PRMT8: variants seen among roughly 807,000 people sequenced by gnomAD.
PRMT8 encodes the protein protein arginine N-methyltransferase 8.
A neutral mutation model predicts 47.1 loss-of-function variants in PRMT8; 7 were observed. The ratio of observed to expected loss-of-function variants is 0.15; its 90% CI spans 0.08 to 0.28. The LOEUF (loss-of-function observed/expected upper bound fraction) is 0.28, where lower values mean the gene tolerates loss of function less well. Among genes scored for constraint, PRMT8 ranks in the 10% least tolerant of loss-of-function variants. The pLI is 1.00. For missense variants in PRMT8, 237 were observed against 505.4 expected (o/e 0.47, Z 5.09); for synonymous variants, 188 against 186.5 (o/e 1.01, Z -0.07).
At chr12:3,386,689 AT>A (rs1274136600) in intron 1 of PRMT8, among the ~76,000 whole-genome samples, 1 of 151,772 alleles carries the variant, frequency 6.6e-6, no homozygotes, top group African/African-American at 2.4e-5. Context: ...AGGTGTTCAT[AT>A]GCTTGTCTAC....
chr12:3,567,717 C>T (rs1866747335), intron 4 of PRMT8, among the ~76,000 whole-genome samples: 2 of 152,204 alleles, frequency 1.3e-5, no homozygotes, highest in African/African-American at 4.8e-5. Flanking sequence ...ATTTTTGACT[C>T]CCACAAAAGT....
intron 1 of PRMT8, among the ~76,000 whole-genome samples, chr12:3,510,310 T>A (rs1345523039): frequency 2.6e-5 from 4 of 152,134 alleles, no homozygotes; most frequent in Non-Finnish European, 5.9e-5. Flanking sequence ...CATGAACTTT[T>A]CTCTTTATAA....
chr12:3,575,888 G>A (rs552481891), intron 6 of PRMT8, among the ~76,000 whole-genome samples: 16 of 152,102 alleles, frequency 1.1e-4, no homozygotes, highest in Non-Finnish European at 1.8e-4. Flanking sequence ...GCATGGTGGC[G>A]GGTGCCTGTA....
In PRMT8 at chr12:3,425,719, C is replaced by T. The variant is rs56016518; in HGVS notation, c.48+44277C>T. On this transcript the variant is annotated intron_variant, in intron 1 of 9. Coordinates refer to the PRMT8 transcript ENST00000452611. ...GCTGCATCTAAATAGATGTGAGTGT[C>T]GAAAGGCGAGCTTCTCTCGCTTTAC... is the stretch of plus-strand genomic sequence containing the variant. Among the ~76,000 whole-genome samples the T allele has an allele frequency of 4.2e-3, 642 of 152,332 alleles. 2 individuals are homozygous for T. The highest frequency in any genetic ancestry group is 0.015 in the African/African-American group (607 of 41,574).
intron 1 of PRMT8, among the ~76,000 whole-genome samples, chr12:3,479,312 C>G (rs1865249721): frequency 6.6e-6 from 1 of 152,224 alleles, no homozygotes; most frequent in South Asian, 2.1e-4. Flanking sequence ...TCTTCCTTCA[C>G]CTGGGTGGGC....
At chr12:3,381,423 A>C in exon 1 of PRMT8, 1 of 1,536,122 alleles carries the variant, frequency 6.5e-7, no homozygotes, top group Non-Finnish European at 8.7e-7. Context: ...GATGGATTCA[A>C]GCTGAAAGAG....
At chr12:3,519,842 T>G (rs1865854592) in intron 1 of PRMT8, among the ~76,000 whole-genome samples, 1 of 152,172 alleles carries the variant, frequency 6.6e-6, no homozygotes, top group Admixed American at 6.5e-5. Flanking sequence ...GGGGCCATGG[T>G]TGCTCGGCTG....
At chr12:3,463,559 G>A (rs1865060710) in intron 1 of PRMT8, 1 of 152,154 alleles carries the variant, frequency 6.6e-6, no homozygotes, top group African/African-American at 2.4e-5. Context: ...TTTCAGCTGT[G>A]CTCTAGAAAG....
At position 3,541,786 on chromosome 12, in the gene PRMT8, C is replaced by G. The variant is rs530977090; in HGVS notation, c.261+995C>G. Reference sequence around the variant, plus strand: ...GTTTCGTTTTAGTGCTTACTACGTGCTGGTGTTGTTCCAAGCATTTTATAT... The same window carrying G: ...GTTTCGTTTTAGTGCTTACTACGTGGTGGTGTTGTTCCAAGCATTTTATAT... On this transcript the variant is annotated intron_variant, in intron 2 of 9. Coordinates refer to ENST00000382622, the MANE Select transcript of PRMT8 (RefSeq NM_019854.5). Among the ~76,000 whole-genome samples the G allele has an allele frequency of 2.1e-3, 315 of 152,314 alleles. 1 individual carries two copies. Among genetic ancestry groups the G allele is most frequent in the South Asian group, 0.011 (54 of 4,828 alleles).
At chr12:3,507,372 C>T (rs954588251) in intron 1 of PRMT8, among the ~76,000 whole-genome samples, 14 of 152,148 alleles carry the variant, frequency 9.2e-5, no homozygotes, top group African/African-American at 3.4e-4. Flanking sequence ...CCGCCCGCCT[C>T]GGCCTCCCAA....
chr12:3,545,105 A>C (rs1866304940), intron 2 of PRMT8, among the ~76,000 whole-genome samples: 1 of 152,230 alleles, frequency 6.6e-6, no homozygotes, highest in Non-Finnish European at 1.5e-5. Flanking sequence ...CGTGAAACTT[A>C]CTACATTTGT....
At chr12:3,386,956 C>T (rs536760476) in intron 1 of PRMT8, among the ~76,000 whole-genome samples, 1 of 152,144 alleles carries the variant, frequency 6.6e-6, no homozygotes, top group Non-Finnish European at 1.5e-5. Flanking sequence ...GATCCGCCCA[C>T]CTTGGCCTCC....
At chr12:3,428,960 C>G (rs1247724896) in intron 1 of PRMT8, among the ~76,000 whole-genome samples, 1 of 151,162 alleles carries the variant, frequency 6.6e-6, no homozygotes, top group East Asian at 1.9e-4. Context: ...CTCCGCCTCT[C>G]TCTATCTCTT....
chr12:3,459,282 C>A (rs545172042), intron 1 of PRMT8, among the ~76,000 whole-genome samples: 9 of 152,292 alleles, frequency 5.9e-5, no homozygotes, highest in African/African-American at 1.9e-4. Flanking sequence ...AATAGATGGG[C>A]CCTGTCCCCC....
chr12:3,472,790 C>T (rs904591122), intron 1 of PRMT8, among the ~76,000 whole-genome samples: 4 of 152,060 alleles, frequency 2.6e-5, no homozygotes, highest in Admixed American at 2.6e-4. Flanking sequence ...AGGTCCAAAG[C>T]TCCATGTTTC....
At chr12:3,590,632 T>TA (rs34781623) in intron 8 of PRMT8, among the ~76,000 whole-genome samples, 14,556 of 130,808 alleles carry the variant, frequency 0.11, 861 homozygotes, top group African/African-American at 0.17. Context: ...TCCTTAGTCC[T>TA]AAAAAAAAAA....
chr12:3,550,073 G>C lies in PRMT8; in HGVS notation c.399G>C (p.Gly133=). Residue 133 remains glycine (G), a synonymous_variant, in exon 3 of 10, where the codon GGG becomes GGC. Transcript: ENST00000382622. The surrounding 1 kb of genome is among the most constrained non-coding windows in gnomAD (Gnocchi z 5.1). The stretch of plus-strand genomic sequence containing the variant: ...TTTCCATGTTCGCTGCCAAGGCAGG[G>C]GCCAAGAAGGTGTTTGGGGTGAGCA... The part of the protein sequence containing the change: ...GILSMFAAKA[G]AKKVFGIECS... The C allele has an allele frequency of 6.2e-7, 1 of 1,614,158 alleles. No homozygotes were observed.
intron 1 of PRMT8, among the ~76,000 whole-genome samples, chr12:3,390,011 T>C (rs747541019): frequency 2.6e-5 from 4 of 152,266 alleles, no homozygotes; most frequent in Non-Finnish European, 5.9e-5. Flanking sequence ...TTAAGAGAGC[T>C]TGAGCCTCCT....
Position 3,453,508 on chromosome 12 carries a change from T to G in PRMT8, c.48+72066T>G, listed in dbSNP as rs1240029535. Reference sequence around the variant, plus strand: ...CTGTGCGGTGCCGTAGGACATGATTTCTGACCTCAGAGGCCCTGCTTTCTC... The same window carrying G: ...CTGTGCGGTGCCGTAGGACATGATTGCTGACCTCAGAGGCCCTGCTTTCTC... On this transcript the variant is annotated intron_variant, in intron 1 of 9. Transcript: ENST00000452611. This position sits in a 1 kb window ranked among gnomAD's most constrained non-coding sequence, Gnocchi z 4.9. 6.6e-6 allele frequency among the ~76,000 whole-genome samples: 1 copy of G among 152,184 alleles called. No individual in the cohort carries two copies. The highest frequency in any genetic ancestry group is 2.4e-5 in the African/African-American group (1 of 41,438).
Sources: allele counts gnomAD v4.1 joint callset (sites outside exome capture counted in the v4.1 genomes callset), GRCh38; gene constraint gnomAD v4.1.1; non-coding constraint Gnocchi (gnomAD v3.1); transcripts MANE v1.5; gene names NCBI Gene and HGNC (gene_info 2026-07-23, HGNC 2026-07-21).